The following TLE4 variants were observed in gnomAD, a reference collection of about 807,000 sequenced individuals.
TLE4 encodes the protein transducin-like enhancer protein 4.
A neutral mutation model predicts 92.8 loss-of-function variants in TLE4; 8 were observed. The ratio of observed to expected loss-of-function variants is 0.09; its 90% CI spans 0.05 to 0.16. The LOEUF (loss-of-function observed/expected upper bound fraction) is 0.16. TLE4 is among the 10% of genes least tolerant of loss of function. The pLI is 1.00. For missense variants in TLE4, 675 were observed against 997.6 expected (o/e 0.68, Z 4.36); for synonymous variants, 371 against 374.1 (o/e 0.99, Z 0.10).
At chr9:79,598,959 C>G (rs2044830941) in intron 4 of TLE4, among the ~76,000 whole-genome samples, 1 of 152,148 alleles carries the variant, frequency 6.6e-6, no homozygotes, top group Admixed American at 6.5e-5. Flanking sequence ...GTTGAATTTC[C>G]TAAGTCTGAG....
At chr9:79,714,250 T>A (rs2074010490) in intron 14 of TLE4, among the ~76,000 whole-genome samples, 1 of 152,192 alleles carries the variant, frequency 6.6e-6, no homozygotes, top group Non-Finnish European at 1.5e-5. Flanking sequence ...GCACACTCCC[T>A]TTATCCCTCA....
chr9:79,585,053 C>T (rs2040706935), intron 4 of TLE4, among the ~76,000 whole-genome samples: 1 of 152,128 alleles, frequency 6.6e-6, no homozygotes, highest in African/African-American at 2.4e-5. Context: ...TAGCTAACTT[C>T]CCTGCAAATC....
At chr9:79,581,364 G>A (rs2039610792) in intron 4 of TLE4, among the ~76,000 whole-genome samples, 1 of 152,186 alleles carries the variant, frequency 6.6e-6, no homozygotes, top group Non-Finnish European at 1.5e-5. Context: ...CTGTTACAGT[G>A]TGTGTATGTT....
intron 8 of TLE4, among the ~76,000 whole-genome samples, chr9:79,673,642 G>A (rs2062774837): frequency 6.6e-6 from 1 of 152,044 alleles, no homozygotes; most frequent in Non-Finnish European, 1.5e-5. Context: ...TTTCCTCCTT[G>A]CCTATTTTAG....
At chr9:79,620,431 G>A (rs1394157082) in intron 5 of TLE4, among the ~76,000 whole-genome samples, 1 of 152,144 alleles carries the variant, frequency 6.6e-6, no homozygotes, top group East Asian at 1.9e-4. Context: ...TTACCTATCC[G>A]TGAAGAATGC....
At chr9:79,645,782 A>G (rs2058018642) in intron 6 of TLE4, among the ~76,000 whole-genome samples, 1 of 152,174 alleles carries the variant, frequency 6.6e-6, no homozygotes, top group Admixed American at 6.5e-5. Context: ...AGTTCACTCC[A>G]TTTTAATGTT....
At chr9:79,702,225 A>G (rs1457517041) in intron 8 of TLE4, among the ~76,000 whole-genome samples, 1 of 152,156 alleles carries the variant, frequency 6.6e-6, no homozygotes, top group African/African-American at 2.4e-5. Context: ...AAACAGCCAT[A>G]CTCAGAAATT....
At chr9:79,681,355 A>G (rs1022467464) in intron 8 of TLE4, among the ~76,000 whole-genome samples, 2 of 151,452 alleles carry the variant, frequency 1.3e-5, no homozygotes, top group South Asian at 2.1e-4. Flanking sequence ...GTTTAGATGT[A>G]CAAATAAAAA....
intron 5 of TLE4, among the ~76,000 whole-genome samples, chr9:79,623,412 GTAT>G: frequency 6.6e-6 from 1 of 152,054 alleles, no homozygotes; most frequent in African/African-American, 2.4e-5. Context: ...TTATGAGCTG[GTAT>G]TATTTTAGTT....
chr9:79,610,580 TCCATTGGCATGACAA>T (rs2048135301), intron 4 of TLE4, among the ~76,000 whole-genome samples: 1 of 151,856 alleles, frequency 6.6e-6, no homozygotes, highest in Admixed American at 6.6e-5. Context: ...ACCATGAAAA[TCCATTGGCATGACAA>T]CTTAAAGAAA....
chr9:79,699,896 T>G (rs529479482), intron 8 of TLE4, among the ~76,000 whole-genome samples: 110 of 152,330 alleles, frequency 7.2e-4, no homozygotes, highest in Admixed American at 4.0e-3. Flanking sequence ...AATAGTAGCA[T>G]ATTAAAACCC....
At chr9:79,586,127 C>T (rs558826808) in intron 4 of TLE4, among the ~76,000 whole-genome samples, 29 of 141,306 alleles carry the variant, frequency 2.1e-4, no homozygotes, top group African/African-American at 7.0e-4. Flanking sequence ...AATCCCAGCA[C>T]TTTGGGAGGC....
intron 8 of TLE4, among the ~76,000 whole-genome samples, chr9:79,686,068 A>G (rs992575227): frequency 6.6e-6 from 1 of 152,228 alleles, no homozygotes; most frequent in African/African-American, 2.4e-5. Flanking sequence ...GGTATAAGTA[A>G]TACTATAAAT....
intron 8 of TLE4, among the ~76,000 whole-genome samples, chr9:79,679,724 T>C (rs1430684314): frequency 6.6e-6 from 1 of 152,216 alleles, no homozygotes; most frequent in Non-Finnish European, 1.5e-5. Flanking sequence ...TGCCTAGGTT[T>C]TCTTCTAGGG....
chr9:79,705,820 GACTT>G (rs1376976334), intron 9 of TLE4, 65 bp from the exon 10 acceptor site: 5 of 1,475,254 alleles, frequency 3.4e-6, no homozygotes, highest in African/African-American at 1.4e-5. Context: ...AATTAGTCTG[GACTT>G]ACTTAGGGTA....
rs1040006783 is a variant in TLE4 at position 79,573,395 on chromosome 9, G to A, written c.46-294G>A. On this transcript the variant is annotated intron_variant, in intron 1 of 19. Coordinates refer to ENST00000376552, the MANE Select transcript of TLE4 (RefSeq NM_007005.6). ...GGTGAGGAGGGAGTGGGCGCGGCGC[G>A]CGGGTCCCTGGGTGCCTGTCTTTGG... 1.2e-5 allele frequency: 14 copies of A among 1,182,670 alleles called. No individual in the cohort carries two copies. The African/African-American group carries it at 1.7e-4, about 15-fold the overall frequency. 73.3% of individuals were successfully genotyped at this position (1,182,670 alleles called of 1,614,324 possible). A position where few individuals can be genotyped will look rare whatever the true frequency, so the allele number is the denominator to read the frequency against.
rs374086890 is a variant in TLE4, at chr9:79,704,838, C to G, written c.665C>G (p.Ser222Cys). The G allele has an allele frequency of 6.2e-7, 1 of 1,614,044 alleles. No individual in the cohort carries two copies. Among genetic ancestry groups the G allele is most frequent in the Non-Finnish European group, 8.5e-7 (1 of 1,180,032 alleles). The change falls in exon 9 of 20, where the codon TCC becomes TGC. Residue 222 changes from serine to cysteine, a missense_variant. By Grantham distance (112) the Ser-to-Cys change is moderately radical. This residue lies in a region of TLE4 where 280 missense variants were observed against 287.3 expected (regional missense o/e 0.97). Coordinates refer to ENST00000376552, the MANE Select transcript of TLE4 (RefSeq NM_007005.6). ...CGAGGTGCTGAGAAGCACAGAAACT[C>G]CGCAGACTACTCCTCAGAGAGCAAA... ...SFRGAEKHRN[S>C]ADYSSESKKQ...
At chr9:79,663,420 G>A (rs557139290) in intron 8 of TLE4, 14 of 152,168 alleles carry the variant, frequency 9.2e-5, no homozygotes, top group East Asian at 1.9e-4. Context: ...GTAGCCACAC[G>A]TGGCTGTAGA....
intron 14 of TLE4, among the ~76,000 whole-genome samples, chr9:79,712,435 T>C (rs1015399915): frequency 1.3e-5 from 2 of 152,224 alleles, no homozygotes; most frequent in Admixed American, 6.5e-5. Context: ...CAATGTTGTC[T>C]TGTGCATATT....
Sources: gnomAD v4.1 joint callset for allele counts (sites outside exome capture counted in the v4.1 genomes callset) on GRCh38, gnomAD v4.1.1 for gene constraint, gnomAD v4.1.1 regional missense constraint, MANE v1.5 for transcripts, NCBI Gene and HGNC (gene_info 2026-07-23, HGNC 2026-07-21) for gene names.